POTEC: variants seen among roughly 807,000 people sequenced by gnomAD.
POTEC encodes ANKRD26-like family B member 2.
In POTEC, 35 loss-of-function variants were observed where a neutral mutation model predicts 62.0. That is an observed-to-expected ratio of 0.56 (90% CI 0.43 to 0.75). The LOEUF (loss-of-function observed/expected upper bound fraction) is 0.75, where lower values mean the gene tolerates loss of function less well. Among genes scored for constraint, POTEC ranks in the 30% least tolerant of loss-of-function variants. The pLI, the probability that POTEC is intolerant of heterozygous loss-of-function variation, is 0.00. For missense variants in POTEC, 472 were observed against 655.9 expected, an observed-to-expected ratio of 0.72 and a Z score of 3.06; for synonymous variants, 156 against 221.5, an observed-to-expected ratio of 0.70 and a Z score of 2.62.
At chr18:14,521,073 TTGATA>T (rs1293073462) in intron 9 of POTEC, among the ~76,000 whole-genome samples, 1 of 152,182 alleles carries the variant, frequency 6.6e-6, no homozygotes, top group East Asian at 1.9e-4. Context: ...GAAAGATACT[TTGATA>T]TATTTTAATA....
chr18:14,508,120 G>C lies in POTEC; in HGVS notation c.*3778C>G, dbSNP rs1598474248. The C allele has an allele frequency of 6.6e-6, 1 of 152,164 alleles. No homozygotes were observed. Among genetic ancestry groups the C allele is most frequent in the Admixed American group, 6.5e-5 (1 of 15,284 alleles). 9.4% of individuals were successfully genotyped at this position (152,164 alleles called of 1,614,324 possible). ...AGTTGAATGTTGGCCTGTCTGGCTAGGTTGGGGACATTCTCATGAATGATA... is the reference window on the plus strand; with the variant it reads ...AGTTGAATGTTGGCCTGTCTGGCTACGTTGGGGACATTCTCATGAATGATA... On this transcript the variant is annotated 3_prime_UTR_variant, in exon 11 of 11. Coordinates refer to ENST00000358970, the MANE Select transcript of POTEC (RefSeq NM_001137671.2).
At chr18:14,527,681 C>T (rs961129845) in intron 6 of POTEC, 1 of 152,024 alleles carries the variant, frequency 6.6e-6, no homozygotes, top group African/African-American at 2.4e-5. Context: ...CCACTGAGAA[C>T]ATAAACATTT....
At chr18:14,517,565 A>T (rs1167970190) in intron 9 of POTEC, among the ~76,000 whole-genome samples, 11 of 4,220 alleles carry the variant, frequency 2.6e-3, no homozygotes, top group Non-Finnish European at 7.8e-3. Context: ...TTTTTTTTTA[A>T]AATAAAATAC....
chr18:14,541,956 A>T (rs188194579), intron 1 of POTEC, among the ~76,000 whole-genome samples: 2 of 152,370 alleles, frequency 1.3e-5, no homozygotes, highest in African/African-American at 4.8e-5. Flanking sequence ...ACACATGCAC[A>T]TTTTGATATC....
chr18:14,535,641 A>T (rs929708138), intron 3 of POTEC, among the ~76,000 whole-genome samples: 1 of 151,850 alleles, frequency 6.6e-6, no homozygotes, highest in Non-Finnish European at 1.5e-5. Flanking sequence ...TAGTGTTTAA[A>T]CCTGCCATCC....
intron 1 of POTEC, among the ~76,000 whole-genome samples, chr18:14,539,356 A>C (rs1186607234): frequency 2.0e-5 from 3 of 151,500 alleles, no homozygotes; most frequent in Non-Finnish European, 4.4e-5. Flanking sequence ...GGTTGGTTGT[A>C]CAGATTATTT....
chr18:14,540,851 G>A (rs1389788341), intron 1 of POTEC, among the ~76,000 whole-genome samples: 1 of 151,922 alleles, frequency 6.6e-6, no homozygotes, highest in Non-Finnish European at 1.5e-5. Context: ...TTTGTGGACA[G>A]AAAACAGTAT....
intron 9 of POTEC, among the ~76,000 whole-genome samples, chr18:14,517,217 C>T (rs190297277): frequency 2.4e-4 from 37 of 152,056 alleles, no homozygotes; most frequent in Admixed American, 2.2e-3. Context: ...TAATTGAAGG[C>T]AACTTTTATA....
chr18:14,521,277 C>T (rs1290684095), intron 9 of POTEC, among the ~76,000 whole-genome samples: 2 of 152,128 alleles, frequency 1.3e-5, no homozygotes, highest in African/African-American at 4.8e-5. Flanking sequence ...ATTTGCAACA[C>T]AGCAGATATT....
rs575354351 is a variant in POTEC, at chr18:14,531,257, G to A, written c.1056-704C>T. 3.5e-3 allele frequency among the ~76,000 whole-genome samples: 524 copies of A among 150,504 alleles called. 4 individuals carry two copies. The highest frequency in any genetic ancestry group is 0.012 in the African/African-American group (483 of 40,752). Reference sequence around the variant, plus strand: ...AGATAATGTGATTGTCCACTATTACGGAGTTGACCAATTTGTTGTGCTAAG... The same window carrying A: ...AGATAATGTGATTGTCCACTATTACAGAGTTGACCAATTTGTTGTGCTAAG... On this transcript the variant is annotated intron_variant, in intron 5 of 10. Coordinates refer to ENST00000358970, the MANE Select transcript of POTEC (RefSeq NM_001137671.2).
rs192559249 is a variant in POTEC at position 14,529,063 on chromosome 18, A to T, written c.1126+1420T>A. Reference sequence around the variant, plus strand: ...TTCTTTACCTAGAAAAATTCTTCTCACTCTGCATGCTTACCTTGAATCATA... The same window carrying T: ...TTCTTTACCTAGAAAAATTCTTCTCTCTCTGCATGCTTACCTTGAATCATA... On this transcript the variant is annotated intron_variant, in intron 6 of 10. Transcript: ENST00000358970. 1.9e-3 allele frequency: 868 copies of T among 453,006 alleles called. 7 individuals are homozygous for T. The highest frequency in any genetic ancestry group is 0.015 in the African/African-American group (731 of 49,782). 28.1% of individuals were successfully genotyped at this position (453,006 alleles called of 1,614,324 possible).
chr18:14,540,979 C>G (rs1322383872), intron 1 of POTEC, among the ~76,000 whole-genome samples: 2 of 152,058 alleles, frequency 1.3e-5, no homozygotes, highest in African/African-American at 4.8e-5. Context: ...CAACCTCCGT[C>G]TCCCTGGTTC....
At chr18:14,532,390 A>C (rs547691545) in intron 5 of POTEC, among the ~76,000 whole-genome samples, 1 of 152,224 alleles carries the variant, frequency 6.6e-6, no homozygotes, top group East Asian at 1.9e-4. Flanking sequence ...GGCTGAGCAT[A>C]TAAGCATAGG....
At chr18:14,515,527 C>A (rs959385676) in intron 9 of POTEC, among the ~76,000 whole-genome samples, 5 of 152,030 alleles carry the variant, frequency 3.3e-5, no homozygotes, top group Admixed American at 2.0e-4. Context: ...CTACCTCTCA[C>A]CATGTAAAAA....
chr18:14,509,610 T>A lies in POTEC; in HGVS notation c.*2288A>T, dbSNP rs1909944668. On this transcript the variant is annotated 3_prime_UTR_variant, in exon 11 of 11. Transcript: ENST00000358970. ...TGCGTGGCTGTAGAGGTCACCTTGC[T>A]GCAGCTCTCCACTGATCAGGCACGG... 6.6e-6 allele frequency: 1 copy of A among 152,208 alleles called. No homozygotes were observed. Among genetic ancestry groups the A allele is most frequent in the African/African-American group, 2.4e-5 (1 of 41,422 alleles). The allele number at this position is 152,208 out of a possible 1,614,324, so 9.4% of individuals were successfully genotyped here.
intron 3 of POTEC, among the ~76,000 whole-genome samples, chr18:14,535,707 T>C (rs906762325): frequency 2.0e-5 from 3 of 151,954 alleles, no homozygotes; most frequent in Non-Finnish European, 4.4e-5. Context: ...ACAGCTTCAA[T>C]TGAAAAAAAA....
At position 14,511,400 on chromosome 18, in the gene POTEC, A is replaced by G. The variant is rs1598475108; in HGVS notation, c.*498T>C. On this transcript the variant is annotated 3_prime_UTR_variant, in exon 11 of 11. Coordinates refer to ENST00000358970, the MANE Select transcript of POTEC (RefSeq NM_001137671.2). ...GCACGCTGGAATCGCTAAGTTGCCC[A>G]AACAGGAAAGATGGTGGCCTGCCTC... 2.3e-5 allele frequency: 7 copies of G among 300,840 alleles called. No individual in the cohort carries two copies. The East Asian group carries it at 6.8e-4, about 29-fold the overall frequency. 18.6% of individuals were successfully genotyped at this position (300,840 alleles called of 1,614,324 possible). A position where few individuals can be genotyped will look rare whatever the true frequency, so the allele number is the denominator to read the frequency against.
Position 14,515,000 on chromosome 18 carries a change from AGGTG to A in POTEC, c.1410-1219_1410-1216del, listed in dbSNP as rs1200428366. 3.0e-4 allele frequency among the ~76,000 whole-genome samples: 46 copies of A among 152,358 alleles called. 1 individual carries two copies. In the Middle Eastern group the frequency reaches 0.01, roughly 34 times the overall value. The stretch of plus-strand genomic sequence containing the variant: ...TACCTAGGAATATACTTAATGAAGG[AGGTG>A]AGTCATCTATCAAAGGATAACTGGA... On this transcript the variant is annotated intron_variant, in intron 9 of 10. Transcript: ENST00000358970.
intron 4 of POTEC, among the ~76,000 whole-genome samples, chr18:14,534,024 C>A (rs1454832354): frequency 6.7e-6 from 1 of 149,946 alleles, no homozygotes; most frequent in Non-Finnish European, 1.5e-5. Context: ...GCTGCACCCA[C>A]TAACTCGTCA....
Sources: gnomAD v4.1 joint callset for allele counts (sites outside exome capture counted in the v4.1 genomes callset) on GRCh38, gnomAD v4.1.1 for gene constraint, MANE v1.5 for transcripts, NCBI Gene and HGNC (gene_info 2026-07-23, HGNC 2026-07-21) for gene names.